The following CYRIB variants were observed in gnomAD, a reference collection of about 807,000 sequenced individuals.
CYRIB encodes CYFIP-related Rac1 interactor B.
In CYRIB, 8 loss-of-function variants were observed where a neutral mutation model predicts 44.2. The ratio of observed to expected loss-of-function variants is 0.18; its 90% CI spans 0.11 to 0.33. CYRIB has a LOEUF of 0.33. Ranked by LOEUF, CYRIB falls within the 10% of genes least tolerant of loss-of-function variation. The pLI is 1.00. For synonymous variants in CYRIB, 131 were observed against 127.2 expected (o/e 1.03, Z -0.20); for missense variants, 185 against 382.8 (o/e 0.48, Z 4.31).
At chr8:129,995,264 G>A (rs1314066671) in intron 1 of CYRIB, among the ~76,000 whole-genome samples, 2 of 152,176 alleles carry the variant, frequency 1.3e-5, no homozygotes, top group Non-Finnish European at 2.9e-5. Flanking sequence ...CGGAAGTGAG[G>A]GAGAGGCCTC....
Position 129,881,925 on chromosome 8 carries a change from A to G in CYRIB, c.-10-2454T>C, listed in dbSNP as rs923366762. ...CATTTTTCCTAAATCATCACACCCA[A>G]ATAATTATCTCAAATTGGTTACTAA... On this transcript the variant is annotated intron_variant, in intron 2 of 11. Coordinates refer to ENST00000519824, the Ensembl canonical transcript of CYRIB. 1.1e-4 allele frequency among the ~76,000 whole-genome samples: 17 copies of G among 152,342 alleles called. No homozygotes were observed. The East Asian group carries it at 3.1e-3, about 28-fold the overall frequency.
intron 1 of CYRIB, among the ~76,000 whole-genome samples, chr8:129,912,899 T>C (rs941649838): frequency 1.2e-4 from 18 of 152,018 alleles, no homozygotes; most frequent in African/African-American, 4.3e-4. Flanking sequence ...TCTCTACTGC[T>C]GATAAATTTA....
Position 129,953,814 on chromosome 8 carries a change from G to A in CYRIB, c.-243+17129C>T, listed in dbSNP as rs566437687. Among the ~76,000 whole-genome samples, 17 of 152,200 alleles carry A rather than the reference G, an allele frequency of 1.1e-4. No homozygotes were observed. The East Asian group carries it at 2.7e-3, about 24-fold the overall frequency. On this transcript the variant is annotated intron_variant, in intron 2 of 14. Transcript: ENST00000401979. ...GACAAGGAGGTAAGATTGAACCCTC[G>A]CCCAAAATTAGCCTAAATGATCAGG... is the stretch of plus-strand genomic sequence containing the variant.
At chr8:129,973,632 T>C (rs2095804841) in intron 1 of CYRIB, among the ~76,000 whole-genome samples, 1 of 152,198 alleles carries the variant, frequency 6.6e-6, no homozygotes, top group South Asian at 2.1e-4. Flanking sequence ...CTCTCAGCAG[T>C]GACCAGACAG....
At position 129,850,787 on chromosome 8, in the gene CYRIB, G is replaced by A. The variant is rs945620338; in HGVS notation, c.713+48C>T. 2.4e-6 allele frequency: 3 copies of A among 1,275,280 alleles called. No homozygotes were observed. In the Admixed American group the frequency reaches 5.3e-5, roughly 23 times the overall value. 79.0% of individuals were successfully genotyped at this position (1,275,280 alleles called of 1,614,324 possible). ...TATATGAACATGTTTTGAAATATCA[G>A]TCATCTCAACAGCACTGTTAAAGTG... On this transcript the variant is annotated intron_variant, in intron 9 of 11. Coordinates refer to ENST00000519824, the Ensembl canonical transcript of CYRIB.
exon 12 of CYRIB, chr8:129,841,202 G>T (rs1198442545): frequency 6.6e-6 from 1 of 152,036 alleles, no homozygotes; most frequent in Non-Finnish European, 1.5e-5. Flanking sequence ...GCAAGGATGC[G>T]GTTTTCCTTC....
intron 2 of CYRIB, chr8:129,947,887 C>T (rs904097673): frequency 3.3e-5 from 5 of 152,204 alleles, no homozygotes; most frequent in African/African-American, 7.2e-5. Context: ...TATAACACTC[C>T]GCTGTGCAGC....
intron 1 of CYRIB, among the ~76,000 whole-genome samples, chr8:129,977,656 C>T (rs1290925227): frequency 1.3e-5 from 2 of 152,080 alleles, no homozygotes; most frequent in African/African-American, 4.8e-5. Flanking sequence ...CTCAGCCTCC[C>T]AAGTAGCCGG....
At chr8:129,955,771 C>T (rs185063287) in intron 2 of CYRIB, among the ~76,000 whole-genome samples, 285 of 152,208 alleles carry the variant, frequency 1.9e-3, no homozygotes, top group African/African-American at 6.8e-3. Flanking sequence ...ACCAACAAAC[C>T]CAAGATTAAT....
chr8:129,920,794 TCCA>T (rs2083168972), intron 1 of CYRIB, among the ~76,000 whole-genome samples: 1 of 152,184 alleles, frequency 6.6e-6, no homozygotes, highest in South Asian at 2.1e-4. Context: ...TCATTTGATT[TCCA>T]CCAAATGTAG....
At chr8:129,850,551 C>T in intron 9 of CYRIB, 1 of 377,128 alleles carries the variant, frequency 2.7e-6, no homozygotes, top group African/African-American at 2.1e-5. Context: ...GCCACCAAAA[C>T]ACCACCACCA....
Position 129,843,904 on chromosome 8 carries a change from A to G in CYRIB, c.912-1699T>C, listed in dbSNP as rs2038107581. On this transcript the variant is annotated intron_variant, in intron 11 of 11. Transcript: ENST00000519824. ...GAATAGGTATCAGCGTGCCTGGCAC[A>G]TAAATGGTGCTCAATAAATACTTGC... is the stretch of plus-strand genomic sequence containing the variant. The G allele has an allele frequency of 2.0e-5, 3 of 152,344 alleles. No individual in the cohort carries two copies. In the South Asian group the frequency reaches 6.2e-4, roughly 32 times the overall value. 9.4% of individuals were successfully genotyped at this position (152,344 alleles called of 1,614,324 possible).
chr8:129,939,745 A>C (rs952221626), exon 1 of CYRIB: 1 of 152,262 alleles, frequency 6.6e-6, no homozygotes, highest in African/African-American at 2.4e-5. Context: ...GGAGCCCCTC[A>C]ACACCTGCCC....
intron 4 of CYRIB, among the ~76,000 whole-genome samples, chr8:129,863,222 G>GA (rs2132411492): frequency 6.6e-6 from 1 of 152,280 alleles, no homozygotes; most frequent in East Asian, 1.9e-4. Context: ...AAATCAAGCT[G>GA]AAACTGTGAT....
At chr8:129,980,720 G>A (rs892316202) in intron 1 of CYRIB, among the ~76,000 whole-genome samples, 2 of 151,810 alleles carry the variant, frequency 1.3e-5, no homozygotes, top group Non-Finnish European at 2.9e-5. Flanking sequence ...AGTGGCTCAC[G>A]CCTGTAACCC....
chr8:129,842,294 G>A, intron 11 of CYRIB, 89 bp from the exon 14 acceptor site: 1 of 938,794 alleles, frequency 1.1e-6, no homozygotes, highest in Admixed American at 2.1e-5. Context: ...TGGAGAATTG[G>A]TCTCAGCAAA....
intron 5 of CYRIB, among the ~76,000 whole-genome samples, chr8:129,857,872 T>C (rs2047036193): frequency 6.6e-6 from 1 of 152,208 alleles, no homozygotes; most frequent in South Asian, 2.1e-4. Context: ...GAAAAATGCA[T>C]CTGCCTAGAC....
intron 1 of CYRIB, among the ~76,000 whole-genome samples, chr8:129,924,927 A>G (rs1262876401): frequency 6.6e-6 from 1 of 152,198 alleles, no homozygotes; most frequent in Non-Finnish European, 1.5e-5. Context: ...GCAGTGACTG[A>G]AAGATCTTTA....
At chr8:129,905,350 TA>T (rs2074718110) in intron 1 of CYRIB, among the ~76,000 whole-genome samples, 2 of 152,174 alleles carry the variant, frequency 1.3e-5, no homozygotes, top group Admixed American at 6.5e-5. Flanking sequence ...CCCAAGCGGC[TA>T]GGACTACAGG....
Sources: allele counts gnomAD v4.1 joint callset (sites outside exome capture counted in the v4.1 genomes callset), GRCh38; gene constraint gnomAD v4.1.1; transcripts MANE v1.5; gene names NCBI Gene and HGNC (gene_info 2026-07-23, HGNC 2026-07-21).